TAF1B: variants seen among roughly 807,000 people sequenced by gnomAD.
TAF1B encodes TATA box-binding protein-associated factor RNA polymerase I subunit B.
TAF1B carries 61 observed loss-of-function variants against 83.9 expected under a neutral mutation model. The ratio of observed to expected loss-of-function variants is 0.73; its 90% CI spans 0.59 to 0.90. The LOEUF (loss-of-function observed/expected upper bound fraction) is 0.90, where lower values mean the gene tolerates loss of function less well. Among genes scored for constraint, TAF1B ranks in the 40% least tolerant of loss-of-function variants. The pLI is 0.00. For synonymous variants in TAF1B, 221 were observed against 224.6 expected (o/e 0.98, Z 0.14); for missense variants, 625 against 677.0 (o/e 0.92, Z 0.85).
chr2:9,904,990 G>C lies in TAF1B; in HGVS notation c.939G>C (p.Met313Ile), dbSNP rs1665299560. ...HPNILCMKYLMEVNLPDEMHS... is the reference protein window; with the variant it reads ...HPNILCMKYLIEVNLPDEMHS... ...ACATACTGTGTATGAAATACTTGAT[G>C]GAAGTCAACCTCCCTGGTAAGTGTG... The change falls in exon 9 of 15, where the codon ATG becomes ATC. Residue 313 changes from methionine (M) to isoleucine (I), a missense_variant. Coordinates refer to ENST00000263663, the MANE Select transcript of TAF1B (RefSeq NM_005680.3). 2 of 1,612,144 alleles carry C rather than the reference G, an allele frequency of 1.2e-6. No individual in the cohort carries two copies. Among genetic ancestry groups the C allele is most frequent in the African/African-American group, 2.7e-5 (2 of 74,864 alleles).
intron 14 of TAF1B, among the ~76,000 whole-genome samples, chr2:9,923,100 G>A (rs925550622): frequency 4.0e-4 from 61 of 151,870 alleles, no homozygotes; most frequent in Admixed American, 2.9e-3. Flanking sequence ...AAAATTAGCC[G>A]GGTGTGGTGG....
chr2:9,900,340 C>T (rs1222708144), intron 8 of TAF1B, among the ~76,000 whole-genome samples: 1 of 152,104 alleles, frequency 6.6e-6, no homozygotes, highest in Non-Finnish European at 1.5e-5. Flanking sequence ...TCAAGACCAG[C>T]CTGGGCAATA....
intron 8 of TAF1B, among the ~76,000 whole-genome samples, chr2:9,892,873 C>A (rs1664913503): frequency 6.6e-6 from 1 of 152,084 alleles, no homozygotes; most frequent in Non-Finnish European, 1.5e-5. Context: ...ATTTACATTC[C>A]CACCACCAAT....
chr2:9,910,714 A>G, intron 9 of TAF1B, 22 bp from the exon 10 acceptor site: 2 of 1,593,968 alleles, frequency 1.3e-6, no homozygotes, highest in Non-Finnish European at 1.7e-6. Context: ...AATAATTTAC[A>G]TTTTACTGTT....
Position 9,888,790 on chromosome 2 carries a change from G to GTTTT in TAF1B, c.807+6012_807+6015dup, listed in dbSNP as rs56125595. Among the ~76,000 whole-genome samples the GTTTT allele has an allele frequency of 1.0e-3, 83 of 81,598 alleles. 2 individuals are homozygous for GTTTT. Among genetic ancestry groups the GTTTT allele is most frequent in the African/African-American group, 5.0e-3 (65 of 12,892 alleles). 53.5% of individuals were successfully genotyped at this position (81,598 alleles called of 152,430 possible). ...GTTTTCTTTATGTTTCTTCTGCTTG[G>GTTTT]TTTTTTTTTTTTTTTTTTTTTTTTT... is the stretch of plus-strand genomic sequence containing the variant. On this transcript the variant is annotated intron_variant, in intron 8 of 14. Coordinates refer to ENST00000263663, the MANE Select transcript of TAF1B (RefSeq NM_005680.3).
chr2:9,911,481 A>C (rs770078804), intron 10 of TAF1B, 30 bp from the exon 11 acceptor site: 5 of 1,476,432 alleles, frequency 3.4e-6, no homozygotes, highest in Non-Finnish European at 4.6e-6. Context: ...TGACTTCTAA[A>C]TAAATTGATT....
chr2:9,887,902 G>C (rs980545545), intron 8 of TAF1B, among the ~76,000 whole-genome samples: 1 of 151,760 alleles, frequency 6.6e-6, no homozygotes, highest in Non-Finnish European at 1.5e-5. Flanking sequence ...ACCCAGACTG[G>C]AGTACAGTGG....
chr2:9,890,564 GCCCTAGTAATAAT>G (rs1664839279), intron 8 of TAF1B, among the ~76,000 whole-genome samples: 1 of 151,730 alleles, frequency 6.6e-6, no homozygotes, highest in Non-Finnish European at 1.5e-5. Context: ...CTAAATACCT[GCCCTAGTAATAAT>G]CCCTTTTGTT....
At chr2:9,858,228 C>G (rs749556988) in intron 5 of TAF1B, among the ~76,000 whole-genome samples, 4 of 152,238 alleles carry the variant, frequency 2.6e-5, no homozygotes, top group Non-Finnish European at 5.9e-5. Context: ...GGGGCCAATA[C>G]AAGTCCGAAA....
intron 8 of TAF1B, among the ~76,000 whole-genome samples, chr2:9,898,408 G>A (rs952237846): frequency 2.6e-5 from 4 of 152,202 alleles, no homozygotes; most frequent in Non-Finnish European, 5.9e-5. Context: ...TTGTTCCACA[G>A]AAGATTTGAG....
At chr2:9,853,126 T>A (rs904632785) in intron 4 of TAF1B, among the ~76,000 whole-genome samples, 1 of 152,258 alleles carries the variant, frequency 6.6e-6, no homozygotes, top group African/African-American at 2.4e-5. Flanking sequence ...TTTTATATAG[T>A]TACACTATAT....
chr2:9,925,736 C>T (rs1370176973), intron 14 of TAF1B, among the ~76,000 whole-genome samples: 1 of 151,880 alleles, frequency 6.6e-6, no homozygotes, highest in Non-Finnish European at 1.5e-5. Context: ...GCTACCACCC[C>T]TGGCTAATTT....
At chr2:9,888,865 A>G (rs1015897211) in intron 8 of TAF1B, among the ~76,000 whole-genome samples, 20 of 137,342 alleles carry the variant, frequency 1.5e-4, no homozygotes, top group Admixed American at 1.4e-3. Flanking sequence ...GTGCAGTGGC[A>G]TGATCCCGGC....
At chr2:9,847,540 C>T (rs1663246381) in intron 2 of TAF1B, among the ~76,000 whole-genome samples, 1 of 152,104 alleles carries the variant, frequency 6.6e-6, no homozygotes, top group Non-Finnish European at 1.5e-5. Context: ...ATTGCCCCCT[C>T]TTCCTTGGCA....
chr2:9,931,573 G>A (rs141767464), intron 14 of TAF1B, among the ~76,000 whole-genome samples: 2,873 of 152,266 alleles, frequency 0.019, 42 homozygotes, highest in Non-Finnish European at 0.031. Flanking sequence ...GTGGGTAACC[G>A]ACCTTTCTCT....
chr2:9,924,156 T>C (rs1419558450), intron 14 of TAF1B, among the ~76,000 whole-genome samples: 1 of 152,184 alleles, frequency 6.6e-6, no homozygotes, highest in East Asian at 1.9e-4. Context: ...ACCAAACTTA[T>C]CTGTCAACCT....
intron 3 of TAF1B, among the ~76,000 whole-genome samples, chr2:9,849,771 G>A (rs1663327153): frequency 6.6e-6 from 1 of 151,950 alleles, no homozygotes; most frequent in East Asian, 1.9e-4. Flanking sequence ...TTTTAAAATT[G>A]GGAAAATTAT....
intron 8 of TAF1B, among the ~76,000 whole-genome samples, chr2:9,890,717 A>G (rs1664843970): frequency 6.6e-6 from 1 of 152,182 alleles, no homozygotes; most frequent in Non-Finnish European, 1.5e-5. Context: ...GCTAATTAAC[A>G]TGTCTGTCAC....
intron 8 of TAF1B, among the ~76,000 whole-genome samples, chr2:9,887,363 A>G (rs1664710440): frequency 6.6e-6 from 1 of 152,172 alleles, no homozygotes; most frequent in South Asian, 2.1e-4. Context: ...GAAATCTCCA[A>G]CTATGATTGC....
Sources: allele counts gnomAD v4.1 joint callset (sites outside exome capture counted in the v4.1 genomes callset), GRCh38; gene constraint gnomAD v4.1.1; transcripts MANE v1.5; gene names NCBI Gene and HGNC (gene_info 2026-07-23, HGNC 2026-07-21).